Variants in RORB observed in about 807,000 individuals in gnomAD.
RORB encodes the protein nuclear receptor ROR-beta.
RORB carries 6 observed loss-of-function variants against 59.1 expected under a neutral mutation model. The ratio of observed to expected loss-of-function variants is 0.10; its 90% CI spans 0.06 to 0.20. The LOEUF is 0.20. RORB is among the 10% of genes least tolerant of loss of function. RORB has a pLI of 1.00. For missense variants in RORB, 320 were observed against 560.5 expected, an observed-to-expected ratio of 0.57 and a Z score of 4.33; for synonymous variants, 215 against 204.5, an observed-to-expected ratio of 1.05 and a Z score of -0.44.
chr9:74,674,915 A>G (rs1277050502), intron 9 of RORB, among the ~76,000 whole-genome samples: 2 of 152,214 alleles, frequency 1.3e-5, no homozygotes, highest in South Asian at 2.1e-4. Flanking sequence ...CATTTGTACC[A>G]TATGACTAAA....
intron 7 of RORB, among the ~76,000 whole-genome samples, chr9:74,666,144 A>G (rs77575970): frequency 0.03 from 4,619 of 152,132 alleles, 224 homozygotes; most frequent in African/African-American, 0.1. Flanking sequence ...AAAATTAGCC[A>G]CGCATGGTGG....
At chr9:74,650,253 C>CGT (rs929578211) in intron 4 of RORB, among the ~76,000 whole-genome samples, 1 of 152,168 alleles carries the variant, frequency 6.6e-6, no homozygotes, top group African/African-American at 2.4e-5. Flanking sequence ...AGAAGCCATA[C>CGT]GTTTAAGGCA....
rs996063085 is a variant in RORB, at chr9:74,644,388, C to T, written c.637+1573C>T. Among the ~76,000 whole-genome samples the T allele has an allele frequency of 4.1e-4, 62 of 152,300 alleles. 1 individual carries two copies. The highest frequency in any genetic ancestry group is 7.2e-4 in the Admixed American group (11 of 15,298). Reference sequence around the variant, plus strand: ...TTTACTATATCATGGGCCCTTCACACGTTTACTTTTCACGAACATCTTAAA... The same window carrying T: ...TTTACTATATCATGGGCCCTTCACATGTTTACTTTTCACGAACATCTTAAA... On this transcript the variant is annotated intron_variant, in intron 4 of 9. Transcript: ENST00000376896.
At chr9:74,630,566 G>T (rs1424358309) in intron 2 of RORB, among the ~76,000 whole-genome samples, 199 bp downstream of exon 2, 1 of 152,106 alleles carries the variant, frequency 6.6e-6, no homozygotes, top group Admixed American at 6.5e-5. Context: ...TTGTCTAACT[G>T]GTCAGCAGCT....
intron 8 of RORB, among the ~76,000 whole-genome samples, chr9:74,669,249 C>G (rs939315430): frequency 1.3e-5 from 2 of 152,144 alleles, no homozygotes; most frequent in Non-Finnish European, 2.9e-5. Context: ...GAGGCCGAGG[C>G]CAGCGGATCA....
At chr9:74,634,826 C>CT in intron 3 of RORB, 54 bp downstream of exon 3, 1 of 1,521,474 alleles carries the variant, frequency 6.6e-7, no homozygotes, top group Non-Finnish European at 8.9e-7. Context: ...GGATGCTTTG[C>CT]TGGAGTCTAT....
intron 1 of RORB, among the ~76,000 whole-genome samples, chr9:74,551,670 A>G (rs1470892728): frequency 6.6e-6 from 1 of 152,208 alleles, no homozygotes; most frequent in East Asian, 1.9e-4. Flanking sequence ...AAGTTATACA[A>G]TATAATTAGA....
In RORB at chr9:74,690,871, G is replaced by T. The variant is rs951688946; in HGVS notation, c.*5253G>T. On this transcript the variant is annotated 3_prime_UTR_variant, in exon 10 of 10. Coordinates refer to ENST00000376896, the MANE Select transcript of RORB (RefSeq NM_006914.4). ...AACTCCCTTCTTCATAGAGCCAGGG[G>T]GCTGGATTTCTTGCCACTTTTTTTC... The T allele has an allele frequency of 6.6e-6, 1 of 152,146 alleles. No homozygotes were observed. Among genetic ancestry groups the T allele is most frequent in the Non-Finnish European group, 1.5e-5 (1 of 68,034 alleles). The allele number at this position is 152,146 out of a possible 1,614,324, so 9.4% of individuals were successfully genotyped here.
intron 1 of RORB, among the ~76,000 whole-genome samples, chr9:74,580,131 T>C (rs1027318336): frequency 1.3e-5 from 2 of 152,084 alleles, no homozygotes; most frequent in Admixed American, 6.6e-5. Context: ...GTTTCAGGCA[T>C]CCACTAGGGG....
At chr9:74,575,801 G>A (rs1822626411) in intron 1 of RORB, among the ~76,000 whole-genome samples, 2 of 152,062 alleles carry the variant, frequency 1.3e-5, no homozygotes, top group South Asian at 4.1e-4. Context: ...CAGTGGTACA[G>A]GGAATATTAG....
At chr9:74,654,336 GAGA>G (rs1824044319) in intron 4 of RORB, among the ~76,000 whole-genome samples, 1 of 706 alleles carries the variant, frequency 1.4e-3, no homozygotes, top group East Asian at 0.071. Flanking sequence ...TCTCAGGGGA[GAGA>G]GAGAGAGAGA....
chr9:74,659,371 C>T (rs1468032443), intron 4 of RORB, among the ~76,000 whole-genome samples: 2 of 152,132 alleles, frequency 1.3e-5, no homozygotes, highest in African/African-American at 4.8e-5. Context: ...TTTGAAATGG[C>T]GCAACCTGAA....
intron 1 of RORB, among the ~76,000 whole-genome samples, chr9:74,585,949 C>G (rs1307156045): frequency 6.6e-6 from 1 of 151,876 alleles, no homozygotes; most frequent in East Asian, 2.0e-4. Flanking sequence ...CGCGTGCCAC[C>G]ATGCCCGGCT....
intron 1 of RORB, among the ~76,000 whole-genome samples, chr9:74,592,038 A>G (rs961273328): frequency 1.3e-5 from 2 of 152,094 alleles, no homozygotes; most frequent in Non-Finnish European, 2.9e-5. Context: ...TTGGTTTCGC[A>G]AAATAGGAAG....
chr9:74,660,626 C>T lies in RORB; in HGVS notation c.647C>T (p.Ala216Val). Reference sequence around the variant, plus strand: ...ATATCTTTTCTCACAGACCGAATTGCACAGAACATCATTAAGTCCCATTTG... The same window carrying T: ...ATATCTTTTCTCACAGACCGAATTGTACAGAACATCATTAAGTCCCATTTG... ...GITMTEIDRI[A>V]QNIIKSHLET... is the part of the protein sequence containing the mutation. The change falls in exon 5 of 10, where the codon GCA (alanine) becomes GTA (valine). Residue 216 changes from alanine to valine, a missense_variant. By Grantham distance (64) the Ala-to-Val change is moderately conservative (BLOSUM62 0). This residue lies in a region of RORB where 134 missense variants were observed against 156.2 expected (regional missense o/e 0.86). Transcript: ENST00000376896. 1 of 1,611,164 alleles carries T rather than the reference C, an allele frequency of 6.2e-7. No individual in the cohort carries two copies. Among genetic ancestry groups the T allele is most frequent in the Non-Finnish European group, 8.5e-7 (1 of 1,179,096 alleles).
intron 1 of RORB, among the ~76,000 whole-genome samples, chr9:74,567,194 T>A (rs1433219043): frequency 6.6e-6 from 1 of 151,826 alleles, no homozygotes; most frequent in Non-Finnish European, 1.5e-5. Flanking sequence ...CCCGGCTAAT[T>A]TTTTGTATTT....
chr9:74,554,540 A>G (rs1282142295), intron 1 of RORB, among the ~76,000 whole-genome samples: 1 of 151,502 alleles, frequency 6.6e-6, no homozygotes, highest in Non-Finnish European at 1.5e-5. Context: ...AGAACAACCC[A>G]AAGTCCAGCC....
chr9:74,674,417 T>G (rs143886142), intron 9 of RORB, among the ~76,000 whole-genome samples: 1 of 152,228 alleles, frequency 6.6e-6, no homozygotes, highest in East Asian at 1.9e-4. Flanking sequence ...AAATCGCCAG[T>G]AGGTAGAGGA....
chr9:74,523,625 G>A (rs779249427), intron 1 of RORB, among the ~76,000 whole-genome samples: 20 of 151,938 alleles, frequency 1.3e-4, no homozygotes, highest in African/African-American at 4.8e-4. Context: ...AAATAAACTC[G>A]TTGGCCTGAT....
Sources: allele counts gnomAD v4.1 joint callset (sites outside exome capture counted in the v4.1 genomes callset), GRCh38; gene constraint gnomAD v4.1.1; regional missense constraint gnomAD v4.1.1; transcripts MANE v1.5; gene names NCBI Gene and HGNC (gene_info 2026-07-23, HGNC 2026-07-21).